Variants in EDIL3 observed in about 807,000 individuals in gnomAD.
The protein encoded by EDIL3 is EGF like and discoidin domains 3.
In EDIL3, 37 loss-of-function variants were observed where a neutral mutation model predicts 67.4. The ratio of observed to expected loss-of-function variants is 0.55; its 90% CI spans 0.42 to 0.72. The LOEUF (loss-of-function observed/expected upper bound fraction) is 0.72, where lower values mean the gene tolerates loss of function less well. EDIL3 is among the 30% of genes least tolerant of loss of function. The pLI is 0.00. For missense variants in EDIL3, 527 were observed against 586.3 expected (o/e 0.90, Z 1.04); for synonymous variants, 195 against 196.3 (o/e 0.99, Z 0.05).
intron 9 of EDIL3, among the ~76,000 whole-genome samples, chr5:84,019,344 A>G (rs1211248186): frequency 3.3e-5 from 5 of 151,410 alleles, no homozygotes; most frequent in Non-Finnish European, 5.9e-5. Flanking sequence ...GAATTGAACA[A>G]TGAGAACACA....
intron 5 of EDIL3, among the ~76,000 whole-genome samples, chr5:84,116,468 G>C (rs1238851564): frequency 1.3e-5 from 2 of 151,950 alleles, no homozygotes; most frequent in Non-Finnish European, 2.9e-5. Context: ...TATTAGGTTG[G>C]GTCAGGGACC....
chr5:84,249,137 A>G (rs912171270), intron 2 of EDIL3, among the ~76,000 whole-genome samples: 22 of 151,838 alleles, frequency 1.4e-4, no homozygotes, highest in African/African-American at 4.8e-4. Context: ...AGTTTATGAC[A>G]TTATACCTTT....
At chr5:83,960,658 G>A (rs1475130910) in intron 10 of EDIL3, among the ~76,000 whole-genome samples, 1 of 150,882 alleles carries the variant, frequency 6.6e-6, no homozygotes, top group East Asian at 1.9e-4. Context: ...TTCATTTGAA[G>A]GTGGATTTCA....
At chr5:84,291,612 AT>A (rs1463720513) in intron 1 of EDIL3, among the ~76,000 whole-genome samples, 1 of 150,496 alleles carries the variant, frequency 6.6e-6, no homozygotes, top group Non-Finnish European at 1.5e-5. Flanking sequence ...AAGTGAGAAC[AT>A]TCATTATCAT....
intron 9 of EDIL3, among the ~76,000 whole-genome samples, chr5:84,003,127 A>G (rs1192921438): frequency 6.6e-6 from 1 of 152,216 alleles, no homozygotes; most frequent in Non-Finnish European, 1.5e-5. Context: ...CCGCAGCCAC[A>G]CTATAGAAAG....
chr5:83,991,615 T>G (rs1745152900), intron 9 of EDIL3, among the ~76,000 whole-genome samples: 1 of 152,156 alleles, frequency 6.6e-6, no homozygotes, highest in South Asian at 2.1e-4. Context: ...TTAAGCAGCA[T>G]AGAGAACATA....
chr5:84,116,122 A>G (rs75361246), intron 5 of EDIL3, among the ~76,000 whole-genome samples: 440 of 148,716 alleles, frequency 3.0e-3, no homozygotes, highest in African/African-American at 0.01. Flanking sequence ...TTTCTGTACA[A>G]TGTAGTTATC....
At chr5:84,263,018 T>G (rs1418595067) in intron 1 of EDIL3, among the ~76,000 whole-genome samples, 1 of 152,098 alleles carries the variant, frequency 6.6e-6, no homozygotes, top group East Asian at 1.9e-4. Context: ...AGAATATCCA[T>G]CCAATCATTA....
intron 1 of EDIL3, among the ~76,000 whole-genome samples, chr5:84,374,091 A>C (rs2112216057): frequency 6.6e-6 from 1 of 152,300 alleles, no homozygotes; most frequent in Admixed American, 6.5e-5. Flanking sequence ...GGGGAAAGAA[A>C]GTGTTATGTG....
At chr5:84,132,873 G>C (rs1748017652) in intron 5 of EDIL3, among the ~76,000 whole-genome samples, 1 of 151,716 alleles carries the variant, frequency 6.6e-6, no homozygotes, top group African/African-American at 2.4e-5. Flanking sequence ...GTCCTTACTA[G>C]AAGATTTTAG....
intron 1 of EDIL3, among the ~76,000 whole-genome samples, chr5:84,364,193 C>A (rs1747680961): frequency 6.6e-6 from 1 of 152,148 alleles, no homozygotes; most frequent in Non-Finnish European, 1.5e-5. Flanking sequence ...GTTCTGAAAT[C>A]ATTTCCTGTG....
intron 6 of EDIL3, among the ~76,000 whole-genome samples, chr5:84,075,886 G>GCACACACACA (rs1554066710): frequency 1.9e-5 from 1 of 51,544 alleles, no homozygotes; most frequent in African/African-American, 7.4e-5. Context: ...GCAAAAGTGT[G>GCACACACACA]CACGCACACA....
At chr5:83,960,225 C>T (rs992944826) in intron 10 of EDIL3, among the ~76,000 whole-genome samples, 1 of 151,066 alleles carries the variant, frequency 6.6e-6, no homozygotes, top group African/African-American at 2.4e-5. Flanking sequence ...AATTATCATA[C>T]ATTTATAACA....
intron 9 of EDIL3, among the ~76,000 whole-genome samples, chr5:84,025,328 C>A (rs1745792314): frequency 6.6e-6 from 1 of 151,978 alleles, no homozygotes; most frequent in Non-Finnish European, 1.5e-5. Context: ...GTATTTATAG[C>A]CACTCCACAT....
At chr5:84,043,127 G>C (rs1157156314) in intron 9 of EDIL3, among the ~76,000 whole-genome samples, 7 of 152,176 alleles carry the variant, frequency 4.6e-5, no homozygotes, top group Admixed American at 3.9e-4. Context: ...TAAGAAACGG[G>C]ACAAAATTTT....
At chr5:83,944,784 T>C (rs1457538395) in intron 10 of EDIL3, among the ~76,000 whole-genome samples, 1 of 152,042 alleles carries the variant, frequency 6.6e-6, no homozygotes, top group Non-Finnish European at 1.5e-5. Context: ...AATTAGAAGA[T>C]AATTTTCTTT....
In EDIL3 at chr5:84,145,232, T is replaced by C. The variant is rs539855168; in HGVS notation, c.356-7878A>G. ...GCCTAAAGGAGATATGGAAGATTGC[T>C]TGCAGGAGGTAATACATTTGGTGCT... On this transcript the variant is annotated intron_variant, in intron 4 of 10. Coordinates refer to ENST00000296591, the MANE Select transcript of EDIL3 (RefSeq NM_005711.5). Among the ~76,000 whole-genome samples the C allele has an allele frequency of 9.9e-5, 15 of 152,234 alleles. No individual in the cohort carries two copies. In the East Asian group the frequency reaches 2.9e-3, roughly 29 times the overall value.
At chr5:84,256,423 T>C (rs926039116) in intron 1 of EDIL3, among the ~76,000 whole-genome samples, 5 of 152,164 alleles carry the variant, frequency 3.3e-5, no homozygotes, top group Admixed American at 6.6e-5. Flanking sequence ...TGGAGACTTT[T>C]AAGGAGACTC....
intron 10 of EDIL3, among the ~76,000 whole-genome samples, chr5:83,954,190 A>G (rs1744467905): frequency 6.6e-6 from 1 of 150,764 alleles, no homozygotes; most frequent in Admixed American, 6.6e-5. Context: ...GTCCTTGAGC[A>G]TTTTTTTTTA....
Sources: gnomAD v4.1 joint callset for allele counts (sites outside exome capture counted in the v4.1 genomes callset) on GRCh38, gnomAD v4.1.1 for gene constraint, MANE v1.5 for transcripts, NCBI Gene and HGNC (gene_info 2026-07-23, HGNC 2026-07-21) for gene names.